DDX50: variants seen among roughly 807,000 people sequenced by gnomAD.
The protein encoded by DDX50 is DExD-box helicase 50.
In DDX50, 56 loss-of-function variants were observed where a neutral mutation model predicts 94.8. The observed-to-expected ratio is 0.59, with a 90% confidence interval of 0.48 to 0.74. DDX50 has a LOEUF of 0.74. Among genes scored for constraint, DDX50 ranks in the 30% least tolerant of loss-of-function variants. The pLI is 0.00. For synonymous variants in DDX50, 264 were observed against 295.4 expected (o/e 0.89, Z 1.09); for missense variants, 713 against 881.2 (o/e 0.81, Z 2.42).
At position 68,946,559 on chromosome 10, in the gene DDX50, C is replaced by A; in HGVS notation, c.2143C>A (p.Gln715Lys). The change falls in exon 15 of 15, where the codon CAA becomes AAA. Residue 715 changes from glutamine to lysine, a missense_variant. Physicochemically the swap from Gln to Lys is moderately conservative, Grantham distance 53. Around this residue, in one of 2 missense-constraint regions of DDX50, gnomAD observed 428 missense variants for 602.3 expected, o/e 0.71. Coordinates refer to ENST00000373585, the MANE Select transcript of DDX50 (RefSeq NM_024045.2). ...ACAAGGAAGTCGCTCAGGAAGTCGA[C>A]AAGATGGTAGAAGACGAAGTGGGAA... is the stretch of plus-strand genomic sequence containing the variant. ...SRQGSRSGSRQDGRRRSGNRN... is the reference protein window; with the variant it reads ...SRQGSRSGSRKDGRRRSGNRN... 1 of 1,614,146 alleles carries A rather than the reference C, an allele frequency of 6.2e-7. No individual in the cohort carries two copies. Among genetic ancestry groups the A allele is most frequent in the Non-Finnish European group, 8.5e-7 (1 of 1,180,036 alleles).
chr10:68,938,542 A>G (rs949115462), intron 12 of DDX50, among the ~76,000 whole-genome samples: 5 of 152,246 alleles, frequency 3.3e-5, no homozygotes, highest in Non-Finnish European at 5.9e-5. Flanking sequence ...TTTTCAAATA[A>G]TAACAAAACA....
intron 8 of DDX50, among the ~76,000 whole-genome samples, chr10:68,930,639 C>T (rs1390299301): frequency 6.6e-6 from 1 of 151,700 alleles, no homozygotes; most frequent in African/African-American, 2.4e-5. Context: ...GCACACACTC[C>T]ATACATGCCA....
intron 8 of DDX50, among the ~76,000 whole-genome samples, chr10:68,924,083 C>T (rs1472521660): frequency 6.6e-6 from 1 of 150,480 alleles, no homozygotes; most frequent in Non-Finnish European, 1.5e-5. Flanking sequence ...CACAGTACTA[C>T]AGTAGCTGGG....
At chr10:68,937,273 C>T (rs1230268159) in intron 12 of DDX50, among the ~76,000 whole-genome samples, 178 bp downstream of exon 12, 2 of 152,080 alleles carry the variant, frequency 1.3e-5, no homozygotes, top group Admixed American at 6.6e-5. Flanking sequence ...TCACCTCTTC[C>T]AAATTTTTCA....
At chr10:68,909,695 T>C (rs1841568489) in intron 2 of DDX50, among the ~76,000 whole-genome samples, 1 of 152,082 alleles carries the variant, frequency 6.6e-6, no homozygotes, top group South Asian at 2.1e-4. Context: ...AGAGTTTCGC[T>C]CTTGTTGCCC....
chr10:68,942,870 C>A (rs948296092), intron 13 of DDX50, among the ~76,000 whole-genome samples: 10 of 152,150 alleles, frequency 6.6e-5, no homozygotes, highest in African/African-American at 1.9e-4. Context: ...ATCTGTCCAC[C>A]TTGGCCTCCC....
intron 1 of DDX50, 69 bp from the exon 2 acceptor site, chr10:68,906,642 T>C (rs975066206): frequency 5.8e-6 from 9 of 1,548,006 alleles, no homozygotes; most frequent in Non-Finnish European, 7.9e-6. Flanking sequence ...GGAGTCATGC[T>C]CTAACTTCTC....
At chr10:68,931,978 T>C (rs982035802) in intron 8 of DDX50, among the ~76,000 whole-genome samples, 2 of 152,196 alleles carry the variant, frequency 1.3e-5, no homozygotes, top group East Asian at 3.9e-4. Flanking sequence ...TAGTTCCTTA[T>C]GATGTTAGGT....
intron 8 of DDX50, among the ~76,000 whole-genome samples, chr10:68,926,025 AAG>A (rs1024583062): frequency 7.0e-6 from 1 of 143,884 alleles, no homozygotes; most frequent in African/African-American, 2.6e-5. Context: ...AAAAAAAAAA[AAG>A]ATTAGCCAGT....
chr10:68,920,392 G>T (rs113522589), intron 8 of DDX50, among the ~76,000 whole-genome samples: 2,156 of 152,108 alleles, frequency 0.014, 51 homozygotes, highest in African/African-American at 0.048. Context: ...TGAACTCCTG[G>T]GCTCAAGCAA....
At chr10:68,938,319 C>A (rs965417154) in intron 12 of DDX50, among the ~76,000 whole-genome samples, 2 of 152,206 alleles carry the variant, frequency 1.3e-5, no homozygotes, top group African/African-American at 2.4e-5. Flanking sequence ...TCTGAACTGG[C>A]CTGCTGCCAG....
intron 4 of DDX50, 63 bp from the exon 5 acceptor site, chr10:68,913,099 T>C: frequency 7.2e-7 from 1 of 1,383,010 alleles, no homozygotes; most frequent in South Asian, 1.3e-5. Context: ...AAAAGTCTTC[T>C]TGGTTTTAAT....
Position 68,942,482 on chromosome 10 carries a change from A to G in DDX50, c.1891-731A>G, listed in dbSNP as rs571620696. Among the ~76,000 whole-genome samples, 5 of 152,326 alleles carry G rather than the reference A, an allele frequency of 3.3e-5. No individual in the cohort carries two copies. In the South Asian group the frequency reaches 1.0e-3, roughly 32 times the overall value. On this transcript the variant is annotated intron_variant, in intron 13 of 14. Transcript: ENST00000373585. ...GAAAAAAATGTAGAGGGGAGGGAAAAAATAGCAAGATCCATAGGCCAAACT... is the reference window on the plus strand; with the variant it reads ...GAAAAAAATGTAGAGGGGAGGGAAAGAATAGCAAGATCCATAGGCCAAACT...
intron 1 of DDX50, among the ~76,000 whole-genome samples, chr10:68,903,787 C>T (rs897699619): frequency 1.3e-5 from 2 of 150,910 alleles, no homozygotes; most frequent in East Asian, 2.0e-4. Flanking sequence ...GGTGACACAG[C>T]GAGACTCCAT....
chr10:68,902,934 T>C (rs555205826), intron 1 of DDX50, among the ~76,000 whole-genome samples: 1 of 152,358 alleles, frequency 6.6e-6, no homozygotes, highest in South Asian at 2.1e-4. Context: ...CCAAAAGTTC[T>C]TGAGGAAAGT....
rs141767610 is a variant in DDX50, at chr10:68,930,689, C to T, written c.1240-3510C>T. 2.2e-3 allele frequency among the ~76,000 whole-genome samples: 333 copies of T among 152,292 alleles called. 2 individuals are homozygous for T. Among genetic ancestry groups the T allele is most frequent in the African/African-American group, 7.7e-3 (319 of 41,558 alleles). Reference sequence around the variant, plus strand: ...TTGGGGGTGGGGAGACAGGGTCTCACTCTGTCCCCCAGCCTGGAGTACAGT... The same window carrying T: ...TTGGGGGTGGGGAGACAGGGTCTCATTCTGTCCCCCAGCCTGGAGTACAGT... On this transcript the variant is annotated intron_variant, in intron 8 of 14. Coordinates refer to ENST00000373585, the MANE Select transcript of DDX50 (RefSeq NM_024045.2).
At chr10:68,926,489 G>T (rs1375865823) in intron 8 of DDX50, among the ~76,000 whole-genome samples, 1 of 151,978 alleles carries the variant, frequency 6.6e-6, no homozygotes, top group African/African-American at 2.4e-5. Context: ...ATCTCATTAT[G>T]AGTTATATGG....
At chr10:68,943,907 A>C (rs545638014) in intron 14 of DDX50, among the ~76,000 whole-genome samples, 2 of 152,182 alleles carry the variant, frequency 1.3e-5, no homozygotes, top group Non-Finnish European at 2.9e-5. Context: ...CATTTCAAAC[A>C]TATTTTTTAG....
intron 12 of DDX50, among the ~76,000 whole-genome samples, chr10:68,940,011 A>C (rs564377858): frequency 1.3e-5 from 2 of 152,148 alleles, no homozygotes; most frequent in Admixed American, 6.6e-5. Flanking sequence ...ATGCATCCCC[A>C]TATCTTCTTA....
Sources: gnomAD v4.1 joint callset for allele counts (sites outside exome capture counted in the v4.1 genomes callset) on GRCh38, gnomAD v4.1.1 for gene constraint, gnomAD v4.1.1 regional missense constraint, MANE v1.5 for transcripts, NCBI Gene and HGNC (gene_info 2026-07-23, HGNC 2026-07-21) for gene names.